The following BABAM2 variants were observed in gnomAD, a reference collection of about 807,000 sequenced individuals.
The protein encoded by BABAM2 is BRISC and BRCA1 A complex member 2, also known as BRISC and BRCA1-A complex member 2.
BABAM2 carries 31 observed loss-of-function variants against 54.7 expected under a neutral mutation model. The ratio of observed to expected loss-of-function variants is 0.57; its 90% CI spans 0.43 to 0.77. The LOEUF is 0.77. Among genes scored for constraint, BABAM2 ranks in the 30% least tolerant of loss-of-function variants. BABAM2 has a pLI of 0.00. For missense variants in BABAM2, 364 were observed against 455.8 expected (o/e 0.80, Z 1.83); for synonymous variants, 167 against 162.9 (o/e 1.03, Z -0.19).
At chr2:28,016,039 TC>T in intron 4 of BABAM2, 1 of 668,814 alleles carries the variant, frequency 1.5e-6, no homozygotes, top group Non-Finnish European at 2.7e-6. Flanking sequence ...ACTGTCTGAT[TC>T]AGTTTCTGAC....
chr2:27,950,947 A>T (rs933469510), intron 3 of BABAM2, among the ~76,000 whole-genome samples: 3 of 151,942 alleles, frequency 2.0e-5, no homozygotes, highest in South Asian at 4.1e-4. Context: ...TTTTTCATAA[A>T]TTTTTTTTAT....
At chr2:28,251,375 T>C (rs1373366853) in intron 10 of BABAM2, among the ~76,000 whole-genome samples, 3 of 152,142 alleles carry the variant, frequency 2.0e-5, no homozygotes, top group Non-Finnish European at 2.9e-5. Context: ...CTTTTGAAAT[T>C]TTAAGTAAAA....
chr2:28,059,390 C>T (rs1052126634), intron 6 of BABAM2, among the ~76,000 whole-genome samples: 3 of 152,062 alleles, frequency 2.0e-5, no homozygotes, highest in East Asian at 3.8e-4. Flanking sequence ...GTGTGAATCC[C>T]AGAAATAAAG....
intron 6 of BABAM2, among the ~76,000 whole-genome samples, chr2:28,064,670 A>T (rs116448177): frequency 6.6e-6 from 1 of 152,186 alleles, no homozygotes; most frequent in Non-Finnish European, 1.5e-5. Context: ...CTGAAGTTTT[A>T]TGCTAGTGCA....
At position 28,284,737 on chromosome 2, in the gene BABAM2, CTTGTTTTGAAAG is replaced by C. The variant is rs1297983564; in HGVS notation, c.935-13588_935-13577del. 9.9e-5 allele frequency among the ~76,000 whole-genome samples: 15 copies of C among 152,118 alleles called. 1 individual carries two copies. Among genetic ancestry groups the C allele is most frequent in the Non-Finnish European group, 1.9e-4 (13 of 68,014 alleles). The stretch of plus-strand genomic sequence containing the variant: ...ACTAAGTTGAAAGCTTAGTTTTCAA[CTTGTTTTGAAAG>C]TTGTTTTGAAAGCTTGGTTTGTATT... On this transcript the variant is annotated intron_variant, in intron 10 of 11. Coordinates refer to ENST00000379624, the MANE Select transcript of BABAM2 (RefSeq NM_199191.3).
chr2:27,974,891 C>T (rs773983160), intron 3 of BABAM2, among the ~76,000 whole-genome samples: 7 of 152,006 alleles, frequency 4.6e-5, no homozygotes, highest in Non-Finnish European at 1.0e-4. Flanking sequence ...TTTAAGGTTA[C>T]AGGATGTAAG....
At chr2:27,910,273 G>A (rs928302828) in intron 2 of BABAM2, among the ~76,000 whole-genome samples, 3 of 152,158 alleles carry the variant, frequency 2.0e-5, no homozygotes, top group African/African-American at 7.2e-5. Flanking sequence ...CATGGTTCCA[G>A]GTTCAGGGGT....
At chr2:28,314,353 T>C (rs1430343173) in intron 11 of BABAM2, among the ~76,000 whole-genome samples, 1 of 152,226 alleles carries the variant, frequency 6.6e-6, no homozygotes, top group Admixed American at 6.5e-5. Context: ...GAACTGAGCA[T>C]ATACCTTGGC....
chr2:27,917,118 A>G (rs925825193), intron 2 of BABAM2, among the ~76,000 whole-genome samples: 1 of 150,558 alleles, frequency 6.6e-6, no homozygotes, highest in Non-Finnish European at 1.5e-5. Context: ...CCTGGGTTCA[A>G]GCGATTTTCC....
At chr2:28,290,135 T>C (rs1457194917) in intron 10 of BABAM2, among the ~76,000 whole-genome samples, 1 of 152,240 alleles carries the variant, frequency 6.6e-6, no homozygotes, top group Non-Finnish European at 1.5e-5. Flanking sequence ...GTCCTTGAGA[T>C]TCATCTAGGT....
chr2:28,071,619 T>A (rs1395836581), intron 6 of BABAM2, among the ~76,000 whole-genome samples: 2 of 152,226 alleles, frequency 1.3e-5, no homozygotes, highest in Non-Finnish European at 2.9e-5. Context: ...TATCATTCTC[T>A]TTTCATTTAT....
intron 6 of BABAM2, among the ~76,000 whole-genome samples, chr2:28,052,857 T>A (rs1177408525): frequency 6.6e-6 from 1 of 152,226 alleles, no homozygotes; most frequent in Non-Finnish European, 1.5e-5. Flanking sequence ...TTCTCATTCT[T>A]CTCATCTGCC....
At chr2:28,027,640 C>T (rs1038099827) in intron 5 of BABAM2, among the ~76,000 whole-genome samples, 2 of 152,206 alleles carry the variant, frequency 1.3e-5, no homozygotes, top group African/African-American at 4.8e-5. Context: ...ATCAGTACTT[C>T]ATTTCTTTTT....
In BABAM2 at chr2:28,325,303, T is replaced by G. The variant is rs1342164210; in HGVS notation, c.1089-13147T>G. Among the ~76,000 whole-genome samples, 3 of 152,188 alleles carry G rather than the reference T, an allele frequency of 2.0e-5. No homozygotes were observed. On this transcript the variant is annotated intron_variant, in intron 11 of 11. Transcript: ENST00000379624. This position sits in a 1 kb window ranked among gnomAD's most constrained non-coding sequence, Gnocchi z 4.3. ...GTGCAGGGCCCGAGCTGGTGCAGTG[T>G]GGAGTGATCCCTGCAGCCCAGCAGA... is the stretch of plus-strand genomic sequence containing the variant.
chr2:27,984,144 T>G (rs906534860), intron 3 of BABAM2, among the ~76,000 whole-genome samples: 2 of 151,846 alleles, frequency 1.3e-5, no homozygotes, highest in Admixed American at 1.3e-4. Flanking sequence ...AAAATTTCTT[T>G]TATTGGAATT....
At chr2:28,199,905 A>G (rs1369735385) in intron 7 of BABAM2, among the ~76,000 whole-genome samples, 2 of 152,186 alleles carry the variant, frequency 1.3e-5, no homozygotes, top group African/African-American at 4.8e-5. Context: ...GTGGAGCTGG[A>G]CGGTTCCTAA....
rs563846931 is a variant in BABAM2, at chr2:28,123,476, G to A, written c.571-5795G>A. Among the ~76,000 whole-genome samples, 45 of 149,690 alleles carry A rather than the reference G, an allele frequency of 3.0e-4. 1 individual carries two copies. The highest frequency in any genetic ancestry group is 2.0e-3 in the Admixed American group (30 of 14,896). Reference sequence around the variant, plus strand: ...GAGCCCTGAAAATGTATACTTGTACGTTTTTAAATGTCCCCTACTATGCTG... The same window carrying A: ...GAGCCCTGAAAATGTATACTTGTACATTTTTAAATGTCCCCTACTATGCTG... On this transcript the variant is annotated intron_variant, in intron 6 of 11. Coordinates refer to ENST00000379624, the MANE Select transcript of BABAM2 (RefSeq NM_199191.3).
chr2:27,912,877 C>G (rs1666709956), intron 2 of BABAM2, among the ~76,000 whole-genome samples: 2 of 152,132 alleles, frequency 1.3e-5, no homozygotes. Context: ...GGGCAGTGAA[C>G]TATATTGATG....
At chr2:27,968,005 G>C (rs148193645) in intron 3 of BABAM2, among the ~76,000 whole-genome samples, 8 of 152,304 alleles carry the variant, frequency 5.3e-5, no homozygotes, top group African/African-American at 1.9e-4. Context: ...CTGACAATGT[G>C]ATAGAAAAAA....
Sources: allele counts gnomAD v4.1 joint callset (sites outside exome capture counted in the v4.1 genomes callset), GRCh38; gene constraint gnomAD v4.1.1; non-coding constraint Gnocchi (gnomAD v3.1); transcripts MANE v1.5; gene names NCBI Gene and HGNC (gene_info 2026-07-23, HGNC 2026-07-21).